MSRA: variants seen among roughly 807,000 people sequenced by gnomAD.
MSRA encodes methionine sulfoxide reductase A, also known as mitochondrial peptide methionine sulfoxide reductase.
MSRA carries 54 observed loss-of-function variants against 31.3 expected under a neutral mutation model. The ratio of observed to expected loss-of-function variants is 1.73; its 90% CI spans 1.39 to 2.17. The LOEUF (loss-of-function observed/expected upper bound fraction) is 2.17, where lower values mean the gene tolerates loss of function less well. Among genes scored for constraint, MSRA ranks in the 30% most tolerant of loss-of-function variants. The probability of loss-of-function intolerance (pLI) is 0.00; values close to 1 mark genes in which losing one functional copy is unlikely to be tolerated. For missense variants in MSRA, 507 were observed against 300.9 expected, an observed-to-expected ratio of 1.69 and a Z score of -5.07; for synonymous variants, 169 against 116.5, an observed-to-expected ratio of 1.45 and a Z score of -2.90.
intron 1 of MSRA, among the ~76,000 whole-genome samples, chr8:10,196,097 T>A (rs1807958343): frequency 6.6e-6 from 1 of 152,172 alleles, no homozygotes; most frequent in Non-Finnish European, 1.5e-5. Flanking sequence ...GCTCAGCTGC[T>A]CTCTGACAGC....
intron 1 of MSRA, among the ~76,000 whole-genome samples, chr8:10,192,381 C>T (rs575987184): frequency 1.7e-4 from 26 of 152,312 alleles, no homozygotes; most frequent in Middle Eastern, 3.4e-3. Flanking sequence ...GATCCTCCCC[C>T]TACCAAGCCT....
chr8:10,283,589 C>A (rs1015606093), intron 3 of MSRA, among the ~76,000 whole-genome samples: 3 of 151,476 alleles, frequency 2.0e-5, no homozygotes, highest in Non-Finnish European at 2.9e-5. Flanking sequence ...CTCTCACCCC[C>A]TTCCTCCTCT....
intron 1 of MSRA, among the ~76,000 whole-genome samples, chr8:10,106,274 T>C (rs1364784040): frequency 1.3e-5 from 2 of 152,200 alleles, no homozygotes; most frequent in Admixed American, 6.5e-5. Flanking sequence ...CTTATTGTAC[T>C]CGTTTGCCAT....
At chr8:10,093,931 C>T (rs1484683324) in intron 1 of MSRA, among the ~76,000 whole-genome samples, 1 of 152,184 alleles carries the variant, frequency 6.6e-6, no homozygotes. Flanking sequence ...ACTATGTTAT[C>T]CCACTGCTTT....
intron 1 of MSRA, among the ~76,000 whole-genome samples, chr8:10,154,792 TAAAG>T (rs1348965475): frequency 1.3e-5 from 2 of 152,150 alleles, no homozygotes; most frequent in African/African-American, 4.8e-5. Flanking sequence ...GAAGATCATT[TAAAG>T]AAAATCACAT....
intron 2 of MSRA, among the ~76,000 whole-genome samples, chr8:10,240,051 G>C (rs1162657544): frequency 6.6e-6 from 1 of 152,204 alleles, no homozygotes; most frequent in Non-Finnish European, 1.5e-5. Context: ...TTGCTGCAAA[G>C]TGAGTTGCTT....
At chr8:10,368,469 G>A (rs765520947) in intron 5 of MSRA, among the ~76,000 whole-genome samples, 17 of 152,292 alleles carry the variant, frequency 1.1e-4, no homozygotes, top group East Asian at 3.9e-4. Context: ...GTTGATCTGC[G>A]GAAGCCCTGG....
chr8:10,245,029 G>A (rs1797541264), intron 2 of MSRA, 75 bp from the exon 3 acceptor site: 2 of 1,421,934 alleles, frequency 1.4e-6, no homozygotes, highest in African/African-American at 1.4e-5. Context: ...TCATGTAACA[G>A]GTGTATGTGG....
intron 5 of MSRA, among the ~76,000 whole-genome samples, chr8:10,323,772 G>GTGTGTC: frequency 6.6e-6 from 1 of 151,152 alleles, no homozygotes; most frequent in African/African-American, 2.4e-5. Context: ...GTGTGTGTGT[G>GTGTGTC]TGTCTGTGTC....
chr8:10,089,783 C>G (rs1462496056), intron 1 of MSRA, among the ~76,000 whole-genome samples: 1 of 152,198 alleles, frequency 6.6e-6, no homozygotes, highest in Non-Finnish European at 1.5e-5. Flanking sequence ...GGACCAAACC[C>G]AAGGGGCGTC....
intron 3 of MSRA, among the ~76,000 whole-genome samples, chr8:10,287,096 T>C (rs1387402238): frequency 6.6e-6 from 1 of 152,206 alleles, no homozygotes; most frequent in Non-Finnish European, 1.5e-5. Context: ...GGCTCCTACA[T>C]TAATTACTGA....
chr8:10,182,628 A>G (rs1806644786), intron 1 of MSRA, among the ~76,000 whole-genome samples: 1 of 152,158 alleles, frequency 6.6e-6, no homozygotes, highest in Admixed American at 6.5e-5. Flanking sequence ...AGATGTTATG[A>G]TACAAGCATG....
At chr8:10,275,669 A>G (rs1017154530) in intron 3 of MSRA, among the ~76,000 whole-genome samples, 6 of 152,200 alleles carry the variant, frequency 3.9e-5, no homozygotes, top group Non-Finnish European at 5.9e-5. Flanking sequence ...GCATCTCCCA[A>G]TGGATTAGGA....
At chr8:10,191,909 A>G (rs944757352) in intron 1 of MSRA, among the ~76,000 whole-genome samples, 2 of 152,186 alleles carry the variant, frequency 1.3e-5, no homozygotes, top group Non-Finnish European at 2.9e-5. Flanking sequence ...TTACTATCCC[A>G]TAGTTTTCTT....
intron 5 of MSRA, among the ~76,000 whole-genome samples, chr8:10,322,306 A>G (rs1318394843): frequency 7.0e-6 from 1 of 142,918 alleles, no homozygotes; most frequent in Non-Finnish European, 1.5e-5. Context: ...ATGCAGGGAG[A>G]TGAGTTGGGC....
rs139929646 is a variant in MSRA, at chr8:10,294,867, G to C, written c.332-6667G>C. ...AGCACCGGGACCAGGGCCGGCTTGG[G>C]AGGGGTGGGGGCGGGGGCTTTGTGC... On this transcript the variant is annotated intron_variant, in intron 3 of 5. Coordinates refer to ENST00000317173, the MANE Select transcript of MSRA (RefSeq NM_012331.5). Among the ~76,000 whole-genome samples the C allele has an allele frequency of 3.4e-3, 525 of 152,260 alleles. 2 individuals carry two copies. Among genetic ancestry groups the C allele is most frequent in the African/African-American group, 0.012 (505 of 41,552 alleles).
intron 1 of MSRA, among the ~76,000 whole-genome samples, chr8:10,102,543 T>C (rs540713647): frequency 2.1e-4 from 32 of 152,356 alleles, no homozygotes; most frequent in Non-Finnish European, 3.8e-4. Context: ...TTATAATGGC[T>C]ACTTTCAAAT....
chr8:10,285,990 G>C (rs1051940015), intron 3 of MSRA, among the ~76,000 whole-genome samples: 2 of 152,110 alleles, frequency 1.3e-5, no homozygotes, highest in African/African-American at 4.8e-5. Context: ...AATTGGGTAA[G>C]GGTACCCCTC....
intron 2 of MSRA, among the ~76,000 whole-genome samples, chr8:10,227,779 T>C (rs1018895864): frequency 1.3e-5 from 2 of 152,192 alleles, no homozygotes; most frequent in South Asian, 2.1e-4. Context: ...ACTGAAAATA[T>C]CAATCAACCG....
Sources: allele counts gnomAD v4.1 joint callset (sites outside exome capture counted in the v4.1 genomes callset), GRCh38; gene constraint gnomAD v4.1.1; transcripts MANE v1.5; gene names NCBI Gene and HGNC (gene_info 2026-07-23, HGNC 2026-07-21).